Variants in AKAP9 observed in about 807,000 individuals in gnomAD.
AKAP9 encodes the protein A-kinase anchor protein 9.
A neutral mutation model predicts 488.5 loss-of-function variants in AKAP9; 311 were observed. That is an observed-to-expected ratio of 0.64 (90% CI 0.58 to 0.70). The LOEUF (loss-of-function observed/expected upper bound fraction) is 0.70, where lower values mean the gene tolerates loss of function less well. AKAP9 is among the 30% of genes least tolerant of loss of function. AKAP9 has a pLI of 0.00. For missense variants in AKAP9, 4,215 were observed against 4,374.5 expected, an observed-to-expected ratio of 0.96 and a Z score of 1.03; for synonymous variants, 1,462 against 1,483.5, an observed-to-expected ratio of 0.99 and a Z score of 0.33.
chr7:92,085,029 C>A, intron 35 of AKAP9, 89 bp downstream of exon 35: 1 of 1,459,686 alleles, frequency 6.9e-7, no homozygotes. Flanking sequence ...ATGGTGGGAT[C>A]ATTTCTGAAG....
rs1373560969 is a variant in AKAP9 at position 92,079,399 on chromosome 7, A to G, written c.7266A>G (p.Lys2422=). ...ATGTACTTAAAGAAACCAATTTTAA[A>G]ATGAATCAGCTAACACAGGAATTAT... The part of the protein sequence containing the change: ...MKNVLKETNF[K]MNQLTQELFS... Residue 2422 remains lysine, a synonymous_variant, in exon 31 of 50, where the codon AAA becomes AAG. Transcript: ENST00000356239. 1.2e-6 allele frequency: 2 copies of G among 1,614,098 alleles called. No individual in the cohort carries two copies. The highest frequency in any genetic ancestry group is 1.7e-6 in the Non-Finnish European group (2 of 1,179,994).
At chr7:92,008,329 T>C (rs1298882217) in intron 8 of AKAP9, among the ~76,000 whole-genome samples, 6 of 151,816 alleles carry the variant, frequency 4.0e-5, no homozygotes, top group Non-Finnish European at 7.4e-5. Flanking sequence ...ATCGCGCCAC[T>C]GCACTCCAGC....
intron 1 of AKAP9, among the ~76,000 whole-genome samples, chr7:91,959,475 A>C (rs924596894): frequency 1.2e-4 from 18 of 151,924 alleles, no homozygotes; most frequent in African/African-American, 4.3e-4. Context: ...AAAAAAAAAA[A>C]AATTTACTTT....
intron 1 of AKAP9, among the ~76,000 whole-genome samples, chr7:91,969,885 A>G (rs1181384999): frequency 6.6e-6 from 1 of 152,178 alleles, no homozygotes; most frequent in African/African-American, 2.4e-5. Context: ...TTTTAATTGA[A>G]GAATTGAGTG....
chr7:92,068,365 CAAA>C (rs77237109), intron 26 of AKAP9, among the ~76,000 whole-genome samples: 7 of 46,526 alleles, frequency 1.5e-4, no homozygotes, highest in Non-Finnish European at 1.9e-4. Flanking sequence ...GACTCCGTCT[CAAA>C]AAAAAAAAAA....
At chr7:92,048,302 G>A (rs1054555465) in intron 21 of AKAP9, among the ~76,000 whole-genome samples, 14 of 152,178 alleles carry the variant, frequency 9.2e-5, no homozygotes, top group Non-Finnish European at 1.9e-4. Context: ...AACTTGTTTC[G>A]ATTTTAAACA....
chr7:92,024,686 A>G (rs996020928), intron 14 of AKAP9, among the ~76,000 whole-genome samples: 2 of 152,132 alleles, frequency 1.3e-5, no homozygotes, highest in African/African-American at 2.4e-5. Context: ...AGTATGCTAT[A>G]GTATATAACT....
At chr7:92,063,477 C>A in intron 24 of AKAP9, 2 of 981,386 alleles carry the variant, frequency 2.0e-6, no homozygotes, top group Non-Finnish European at 2.4e-6. Context: ...GTAGATGCTG[C>A]AGTCGATGCA....
intron 9 of AKAP9, among the ~76,000 whole-genome samples, chr7:92,013,637 T>C (rs368680247): frequency 3.9e-5 from 6 of 152,120 alleles, no homozygotes; most frequent in African/African-American, 1.2e-4. Flanking sequence ...ATTAACTAAA[T>C]GTTAATGAGG....
intron 1 of AKAP9, among the ~76,000 whole-genome samples, chr7:91,945,210 A>G (rs1562875803): frequency 6.6e-6 from 1 of 152,146 alleles, no homozygotes; most frequent in Non-Finnish European, 1.5e-5. Flanking sequence ...AGAAAAAAGT[A>G]TAAAAAACAA....
chr7:92,088,090 A>G (rs1814916110), intron 37 of AKAP9, among the ~76,000 whole-genome samples: 1 of 152,148 alleles, frequency 6.6e-6, no homozygotes, highest in African/African-American at 2.4e-5. Context: ...ACATAGTCTC[A>G]AAGTAAATCC....
At chr7:91,994,578 T>C (rs755673257) in intron 5 of AKAP9, 43 bp from the exon 6 acceptor site, 39 of 1,513,676 alleles carry the variant, frequency 2.6e-5, no homozygotes, top group Non-Finnish European at 3.3e-5. Flanking sequence ...GTAATAATAG[T>C]CAATTAAAAA....
At chr7:92,058,103 G>C (rs1019949124) in intron 22 of AKAP9, 1 of 521,326 alleles carries the variant, frequency 1.9e-6, no homozygotes, top group Admixed American at 2.6e-5. Context: ...AAACTAAAAA[G>C]AACTTTTTAA....
chr7:92,062,166 A>T, intron 23 of AKAP9, 108 bp from the exon 24 acceptor site: 1 of 968,060 alleles, frequency 1.0e-6, no homozygotes, highest in Non-Finnish European at 1.6e-6. Context: ...ATAGGTTGGA[A>T]TGATGGAAAG....
At chr7:92,043,928 A>G (rs1806543857) in intron 20 of AKAP9, among the ~76,000 whole-genome samples, 1 of 152,206 alleles carries the variant, frequency 6.6e-6, no homozygotes, top group Non-Finnish European at 1.5e-5. Flanking sequence ...GTCTGCATGT[A>G]TAAAGTGTGC....
intron 1 of AKAP9, among the ~76,000 whole-genome samples, chr7:91,948,885 A>G (rs1304059058): frequency 6.6e-6 from 1 of 151,736 alleles, no homozygotes; most frequent in African/African-American, 2.4e-5. Context: ...AGTAGCTGTG[A>G]TTACAGGCAT....
intron 1 of AKAP9, among the ~76,000 whole-genome samples, chr7:91,947,067 T>C (rs1791536442): frequency 2.6e-5 from 4 of 152,206 alleles, no homozygotes; most frequent in Non-Finnish European, 5.9e-5. Flanking sequence ...AGTCACTTTA[T>C]GTAATTGCTT....
chr7:92,014,202 C>T (rs1405453767), intron 9 of AKAP9, 47 bp from the exon 10 acceptor site: 1 of 1,288,130 alleles, frequency 7.8e-7, no homozygotes, highest in Admixed American at 1.7e-5. Flanking sequence ...GATCATAGTT[C>T]TTAAGTATGT....
intron 23 of AKAP9, among the ~76,000 whole-genome samples, 190 bp downstream of exon 23, chr7:92,061,612 AT>A (rs1584374985): frequency 1.4e-5 from 2 of 142,574 alleles, no homozygotes; most frequent in African/African-American, 2.6e-5. Flanking sequence ...ATATATATAT[AT>A]ATATATAAAA....
Sources: gnomAD v4.1 joint callset for allele counts (sites outside exome capture counted in the v4.1 genomes callset) on GRCh38, gnomAD v4.1.1 for gene constraint, MANE v1.5 for transcripts, NCBI Gene and HGNC (gene_info 2026-07-23, HGNC 2026-07-21) for gene names.